NTN4: variants seen among roughly 807,000 people sequenced by gnomAD.
NTN4 encodes the protein netrin 4.
NTN4 carries 32 observed loss-of-function variants against 73.6 expected under a neutral mutation model. The ratio of observed to expected loss-of-function variants is 0.44; its 90% CI spans 0.33 to 0.58. The LOEUF is 0.58. Ranked by LOEUF, NTN4 falls within the 20% of genes least tolerant of loss-of-function variation. The pLI is 0.04. For missense variants in NTN4, 654 were observed against 798.3 expected, an observed-to-expected ratio of 0.82 and a Z score of 2.18; for synonymous variants, 258 against 287.5, an observed-to-expected ratio of 0.90 and a Z score of 1.04.
At chr12:95,717,339 C>T (rs939211919) in intron 3 of NTN4, among the ~76,000 whole-genome samples, 1 of 152,132 alleles carries the variant, frequency 6.6e-6, no homozygotes, top group Non-Finnish European at 1.5e-5. Flanking sequence ...CCTCGTCAAA[C>T]ATTCACATGT....
intron 5 of NTN4, among the ~76,000 whole-genome samples, chr12:95,707,586 T>C (rs1338538062): frequency 6.6e-6 from 1 of 152,198 alleles, no homozygotes; most frequent in Non-Finnish European, 1.5e-5. Flanking sequence ...TTGATGACAC[T>C]AGCCCTTATG....
intron 3 of NTN4, among the ~76,000 whole-genome samples, chr12:95,719,778 T>G (rs2078633132): frequency 6.6e-6 from 1 of 152,204 alleles, no homozygotes; most frequent in African/African-American, 2.4e-5. Flanking sequence ...ATGGTGAATA[T>G]CAAGCATAAT....
chr12:95,695,670 T>C (rs2078436064), intron 5 of NTN4, among the ~76,000 whole-genome samples: 1 of 152,226 alleles, frequency 6.6e-6, no homozygotes, highest in African/African-American at 2.4e-5. Context: ...TTATTTTTAA[T>C]GCTTGCTATG....
chr12:95,712,126 G>T (rs749525022), intron 4 of NTN4, among the ~76,000 whole-genome samples: 1 of 152,138 alleles, frequency 6.6e-6, no homozygotes, highest in African/African-American at 2.4e-5. Context: ...AGAGAGGTTC[G>T]TGAGCGTTAA....
Position 95,787,117 on chromosome 12 carries a change from G to T in NTN4, c.407C>A (p.Ser136Tyr). ...YFTHLIVMFK[S>Y]PRPAAMVLDR... Reference sequence around the variant, plus strand: ...CAGCACCATGGCAGCCGGCCTGGGGGACTTGAACATCACAATTAGGTGAGT... The same window carrying T: ...CAGCACCATGGCAGCCGGCCTGGGGTACTTGAACATCACAATTAGGTGAGT... Residue 136 changes from serine to tyrosine, a missense_variant, in exon 2 of 10, where the codon TCC becomes TAC. Coordinates refer to ENST00000343702, the MANE Select transcript of NTN4 (RefSeq NM_021229.4). The T allele has an allele frequency of 6.2e-7, 1 of 1,614,224 alleles. No homozygotes were observed. The highest frequency in any genetic ancestry group is 1.1e-5 in the South Asian group (1 of 91,084).
chr12:95,679,590 T>G (rs2078300102), intron 7 of NTN4, among the ~76,000 whole-genome samples: 2 of 152,316 alleles, frequency 1.3e-5, no homozygotes, highest in South Asian at 4.1e-4. Flanking sequence ...TTTACCCAGT[T>G]TAAATTCTAT....
In NTN4 at chr12:95,775,515, C is replaced by T. The variant is rs143726556; in HGVS notation, c.585+11424G>A. On this transcript the variant is annotated intron_variant, in intron 2 of 9. Coordinates refer to ENST00000343702, the MANE Select transcript of NTN4 (RefSeq NM_021229.4). The stretch of plus-strand genomic sequence containing the variant: ...GCGCTTTTCCAATGGTCTTAGCAAA[C>T]GGCACACCAGGAGATTATATCCCGT... 4.1e-3 allele frequency among the ~76,000 whole-genome samples: 629 copies of T among 152,356 alleles called. 4 individuals are homozygous for T. The highest frequency in any genetic ancestry group is 0.013 in the South Asian group (64 of 4,832).
Position 95,657,849 on chromosome 12 carries a change from A to G in NTN4, c.*1237T>C, listed in dbSNP as rs1010666850. 6.6e-6 allele frequency: 1 copy of G among 152,526 alleles called. No homozygotes were observed. Among genetic ancestry groups the G allele is most frequent in the Non-Finnish European group, 1.5e-5 (1 of 68,014 alleles). 9.4% of individuals were successfully genotyped at this position (152,526 alleles called of 1,614,324 possible). ...ATTACATATATGAAATATAAAAACA[A>G]ATTAACAAAGCAATATATATATATA... On this transcript the variant is annotated 3_prime_UTR_variant, in exon 10 of 10. Transcript: ENST00000343702.
At chr12:95,718,443 C>T (rs759834812) in intron 3 of NTN4, among the ~76,000 whole-genome samples, 10 of 152,186 alleles carry the variant, frequency 6.6e-5, no homozygotes, top group Non-Finnish European at 1.3e-4. Flanking sequence ...AATATTTAAA[C>T]ATGGAAGATT....
At chr12:95,767,764 G>A (rs926642481) in intron 2 of NTN4, among the ~76,000 whole-genome samples, 22 of 152,086 alleles carry the variant, frequency 1.4e-4, no homozygotes, top group Admixed American at 1.3e-3. Flanking sequence ...ACCTTGCACT[G>A]TTTTCCAGGA....
intron 3 of NTN4, among the ~76,000 whole-genome samples, chr12:95,732,031 GT>G (rs766509313): frequency 2.6e-5 from 4 of 152,168 alleles, no homozygotes; most frequent in Non-Finnish European, 4.4e-5. Context: ...ATCCATGATA[GT>G]TTTTTTCTGT....
chr12:95,770,669 G>T (rs1328784887), intron 2 of NTN4, among the ~76,000 whole-genome samples: 1 of 152,172 alleles, frequency 6.6e-6, no homozygotes, highest in East Asian at 1.9e-4. Flanking sequence ...AGTGTAAGAG[G>T]GTGATCACAT....
intron 2 of NTN4, among the ~76,000 whole-genome samples, chr12:95,768,248 G>A (rs540205535): frequency 6.6e-6 from 1 of 152,224 alleles, no homozygotes; most frequent in African/African-American, 2.4e-5. Context: ...TACTGTGGGT[G>A]CACACATGTG....
At chr12:95,699,986 G>A (rs1481283553) in intron 5 of NTN4, among the ~76,000 whole-genome samples, 1 of 149,996 alleles carries the variant, frequency 6.7e-6, no homozygotes, top group Non-Finnish European at 1.5e-5. Context: ...TATTGTAAAG[G>A]AATTAACTGG....
At chr12:95,720,291 A>C (rs2078637506) in intron 3 of NTN4, among the ~76,000 whole-genome samples, 1 of 152,216 alleles carries the variant, frequency 6.6e-6, no homozygotes, top group South Asian at 2.1e-4. Context: ...GAGAGGAGCC[A>C]AAAACAAACT....
intron 5 of NTN4, among the ~76,000 whole-genome samples, chr12:95,686,946 G>A (rs2078365701): frequency 6.6e-6 from 1 of 152,188 alleles, no homozygotes; most frequent in African/African-American, 2.4e-5. Context: ...CATCCCTTCT[G>A]CATTTTACGT....
intron 2 of NTN4, among the ~76,000 whole-genome samples, chr12:95,777,091 C>G (rs2079099051): frequency 6.6e-6 from 1 of 152,106 alleles, no homozygotes; most frequent in African/African-American, 2.4e-5. Flanking sequence ...AAATAAAATC[C>G]TTTACAGACA....
In NTN4 at chr12:95,665,944, C is replaced by G; in HGVS notation, c.1616G>C (p.Gly539Ala). The G allele has an allele frequency of 6.2e-7, 1 of 1,612,956 alleles. No homozygotes were observed. ...KIKILSAHDK[G>A]THVEVNVKIK... is the part of the protein sequence containing the mutation. ...CTTCACATTGACCTCAACATGAGTACCTTTATCATGAGCTGATAAAATCTT... is the reference window on the plus strand; with the variant it reads ...CTTCACATTGACCTCAACATGAGTAGCTTTATCATGAGCTGATAAAATCTT... The change falls in exon 9 of 10, where the codon GGT becomes GCT. Residue 539 changes from glycine (G) to alanine (A), a missense_variant. Coordinates refer to ENST00000343702, the MANE Select transcript of NTN4 (RefSeq NM_021229.4).
chr12:95,749,508 C>G (rs908002523), intron 2 of NTN4, among the ~76,000 whole-genome samples: 1 of 152,204 alleles, frequency 6.6e-6, no homozygotes, highest in Admixed American at 6.5e-5. Context: ...ACTCTTCAAT[C>G]TCTCCCTTCT....
Sources: gnomAD v4.1 joint callset for allele counts (sites outside exome capture counted in the v4.1 genomes callset) on GRCh38, gnomAD v4.1.1 for gene constraint, MANE v1.5 for transcripts, NCBI Gene and HGNC (gene_info 2026-07-23, HGNC 2026-07-21) for gene names.